Variants in TAB2 observed in about 807,000 individuals in gnomAD.
TAB2 encodes TGF-beta-activated kinase 1 and MAP3K7-binding protein 2.
In TAB2, 3 loss-of-function variants were observed where a neutral mutation model predicts 65.0. That is an observed-to-expected ratio of 0.05 (90% CI 0.02 to 0.12). TAB2 has a LOEUF of 0.12. Among genes scored for constraint, TAB2 ranks in the 10% least tolerant of loss-of-function variants. The pLI is 1.00. For synonymous variants in TAB2, 298 were observed against 285.1 expected (o/e 1.05, Z -0.46); for missense variants, 623 against 840.3 (o/e 0.74, Z 3.20).
intron 1 of TAB2, among the ~76,000 whole-genome samples, chr6:149,238,303 C>T (rs566481507): frequency 1.3e-5 from 2 of 152,194 alleles, no homozygotes; most frequent in African/African-American, 4.8e-5. Flanking sequence ...TTCTCTTGCT[C>T]TAGAGGGCAT....
chr6:149,277,857 T>C (rs1166253833), intron 1 of TAB2, among the ~76,000 whole-genome samples: 2 of 152,228 alleles, frequency 1.3e-5, no homozygotes, highest in Non-Finnish European at 1.5e-5. Flanking sequence ...ATATTCATTT[T>C]AGTATTTTGA....
chr6:149,360,461 T>G (rs998365139), intron 1 of TAB2, among the ~76,000 whole-genome samples: 1 of 152,180 alleles, frequency 6.6e-6, no homozygotes, highest in African/African-American at 2.4e-5. Context: ...CCTGATCTCA[T>G]GACAACTCAA....
intron 1 of TAB2, among the ~76,000 whole-genome samples, chr6:149,272,546 G>A (rs910384050): frequency 5.9e-5 from 9 of 152,248 alleles, no homozygotes; most frequent in Admixed American, 3.3e-4. Flanking sequence ...CTGTTGTCAC[G>A]TTTCCTTCTC....
rs72995775 is a variant in TAB2, at chr6:149,256,398, C to T, written c.-121+37622C>T. Among the ~76,000 whole-genome samples, 1,064 of 152,128 alleles carry T rather than the reference C, an allele frequency of 7.0e-3. 3 individuals carry two copies. The highest frequency in any genetic ancestry group is 0.012 in the Non-Finnish European group (800 of 67,994). Reference sequence around the variant, plus strand: ...ATTATAAACTATATTAATTTTGCTTCCTCTTTGATAAAACTCTTTCATACA... The same window carrying T: ...ATTATAAACTATATTAATTTTGCTTTCTCTTTGATAAAACTCTTTCATACA... On this transcript the variant is annotated intron_variant, in intron 1 of 1. Transcript: ENST00000606202.
intron 3 of TAB2, among the ~76,000 whole-genome samples, chr6:149,385,917 A>G (rs951089162): frequency 6.6e-6 from 1 of 152,220 alleles, no homozygotes; most frequent in Non-Finnish European, 1.5e-5. Flanking sequence ...TTTCTTTTCA[A>G]CCTTTGACTT....
At chr6:149,365,671 T>G (rs533732994) in intron 1 of TAB2, among the ~76,000 whole-genome samples, 1 of 152,204 alleles carries the variant, frequency 6.6e-6, no homozygotes, top group African/African-American at 2.4e-5. Context: ...CTAACAAAAT[T>G]TTTAGCCATA....
chr6:149,337,660 C>A (rs1002668496), intron 1 of TAB2, among the ~76,000 whole-genome samples: 7 of 152,196 alleles, frequency 4.6e-5, no homozygotes, highest in Admixed American at 1.3e-4. Context: ...TCTTGTAACA[C>A]CACAGTCACT....
intron 1 of TAB2, among the ~76,000 whole-genome samples, chr6:149,275,300 G>GAAAGAAAGAAAGAAAGGAAA (rs1223068467): frequency 7.8e-6 from 1 of 128,302 alleles, no homozygotes; most frequent in Non-Finnish European, 1.7e-5. Flanking sequence ...AAGAAAGAAA[G>GAAAGAAAGAAAGAAAGGAAA]AGAAAAAAGA....
chr6:149,259,032 TC>T (rs1778098817), intron 1 of TAB2, among the ~76,000 whole-genome samples: 1 of 152,132 alleles, frequency 6.6e-6, no homozygotes, highest in South Asian at 2.1e-4. Context: ...GAAAACACTC[TC>T]TCCCAGGGCC....
In TAB2 at chr6:149,409,481, A is replaced by T. The variant is rs1007681658; in HGVS notation, c.1940-96A>T. On this transcript the variant is annotated intron_variant, in intron 6 of 6. Transcript: ENST00000637181. ...ATGCCCCATTTGGGGAGCAAGCTGC[A>T]TCAGGCTGTGCACTACAAATGGTGT... The T allele has an allele frequency of 4.4e-6, 5 of 1,128,048 alleles. No individual in the cohort carries two copies. In the African/African-American group the frequency reaches 7.8e-5, roughly 18 times the overall value. 69.9% of individuals were successfully genotyped at this position (1,128,048 alleles called of 1,614,324 possible). A position where few individuals can be genotyped will look rare whatever the true frequency, so the allele number is the denominator to read the frequency against.
At chr6:149,365,073 C>G (rs567639895) in intron 1 of TAB2, among the ~76,000 whole-genome samples, 5 of 152,090 alleles carry the variant, frequency 3.3e-5, no homozygotes, top group Admixed American at 1.3e-4. Flanking sequence ...AATTAACCCT[C>G]CTAGATCATT....
chr6:149,282,430 A>G (rs1284221755), intron 1 of TAB2, among the ~76,000 whole-genome samples: 2 of 152,080 alleles, frequency 1.3e-5, no homozygotes, highest in African/African-American at 2.4e-5. Context: ...ATATATAAAT[A>G]TATTGGGAAT....
intron 2 of TAB2, among the ~76,000 whole-genome samples, chr6:149,376,719 G>A (rs570145504): frequency 6.6e-6 from 1 of 152,232 alleles, no homozygotes; most frequent in South Asian, 2.1e-4. Context: ...GAAATCTGTG[G>A]TTTGTCTCCC....
chr6:149,408,847 T>C (rs1410723445), intron 6 of TAB2, among the ~76,000 whole-genome samples: 10 of 152,172 alleles, frequency 6.6e-5, no homozygotes, highest in Admixed American at 6.5e-4. Flanking sequence ...TGACCTTTAT[T>C]TTATAAGTAA....
chr6:149,223,409 C>T (rs979324933), intron 1 of TAB2, among the ~76,000 whole-genome samples: 1 of 152,238 alleles, frequency 6.6e-6, no homozygotes, highest in African/African-American at 2.4e-5. Context: ...CCAGCTCTGA[C>T]ATGAAATGAT....
chr6:149,410,308 C>T lies in TAB2; in HGVS notation c.*589C>T, dbSNP rs564220250. On this transcript the variant is annotated 3_prime_UTR_variant, in exon 7 of 7. Coordinates refer to ENST00000637181, the MANE Select transcript of TAB2 (RefSeq NM_001292034.3). ...TAAAGATGCAAAGGAAAGCAGCATG[C>T]ATTGTCTGTACAAATGTGCAGCGAA... The T allele has an allele frequency of 5.6e-4, 91 of 161,792 alleles. No individual in the cohort carries two copies. The highest frequency in any genetic ancestry group is 8.7e-4 in the Non-Finnish European group (64 of 73,578). The allele number at this position is 161,792 out of a possible 1,614,324, so 10.0% of individuals were successfully genotyped here.
At chr6:149,391,860 T>A (rs772225316) in intron 3 of TAB2, among the ~76,000 whole-genome samples, 3 of 152,146 alleles carry the variant, frequency 2.0e-5, no homozygotes, top group Non-Finnish European at 2.9e-5. Context: ...CTTTCCATTC[T>A]ACATTTTAGG....
intron 1 of TAB2, among the ~76,000 whole-genome samples, chr6:149,364,578 G>A (rs932254723): frequency 2.0e-5 from 3 of 151,430 alleles, no homozygotes; most frequent in African/African-American, 7.3e-5. Flanking sequence ...TGATCTGCAG[G>A]GCAAGGACAT....
intron 1 of TAB2, among the ~76,000 whole-genome samples, chr6:149,287,382 C>T (rs900875205): frequency 2.6e-5 from 4 of 151,776 alleles, no homozygotes; most frequent in Admixed American, 6.6e-5. Context: ...CATTTATGCC[C>T]GAACTAGAAA....
Sources: allele counts gnomAD v4.1 joint callset (sites outside exome capture counted in the v4.1 genomes callset), GRCh38; gene constraint gnomAD v4.1.1; transcripts MANE v1.5; gene names NCBI Gene and HGNC (gene_info 2026-07-23, HGNC 2026-07-21).